STX2: variants seen among roughly 807,000 people sequenced by gnomAD.
The protein encoded by STX2 is syntaxin-2.
Under a neutral mutation model 40.6 loss-of-function variants are expected in STX2, and 27 were observed. That is an observed-to-expected ratio of 0.66 (90% confidence interval 0.49 to 0.92). The LOEUF is 0.92. Ranked by LOEUF, STX2 falls within the 40% of genes least tolerant of loss-of-function variation. STX2 has a pLI of 0.00. For missense variants in STX2, 328 were observed against 366.1 expected, an observed-to-expected ratio of 0.90 and a Z score of 0.85; for synonymous variants, 123 against 119.1, an observed-to-expected ratio of 1.03 and a Z score of -0.22.
chr12:130,838,976 T>G, intron 1 of STX2, 94 bp downstream of exon 1: 21 of 487,582 alleles, frequency 4.3e-5, no homozygotes, highest in Non-Finnish European at 4.7e-5. Flanking sequence ...CTGGGGACCC[T>G]CCCGGAGCCC....
intron 10 of STX2, among the ~76,000 whole-genome samples, chr12:130,793,397 C>T (rs1041918799): frequency 3.3e-5 from 5 of 152,200 alleles, no homozygotes; most frequent in African/African-American, 9.6e-5. Context: ...GGGAGGCGCG[C>T]GCCCTCCCGC....
chr12:130,821,538 C>T (rs1952113862), intron 3 of STX2, 151 bp downstream of exon 3: 1 of 632,010 alleles, frequency 1.6e-6, no homozygotes, highest in African/African-American at 1.9e-5. Flanking sequence ...CTGGCTCGCC[C>T]CAGGCCAAAC....
chr12:130,814,775 T>C (rs1951798426), intron 3 of STX2, among the ~76,000 whole-genome samples: 1 of 151,972 alleles, frequency 6.6e-6, no homozygotes, highest in South Asian at 2.1e-4. Flanking sequence ...TAGCTGGGAT[T>C]ACAGGCCTCC....
intron 3 of STX2, among the ~76,000 whole-genome samples, chr12:130,818,186 ATATAT>A (rs1231681296): frequency 0.023 from 1,428 of 62,202 alleles, 44 homozygotes; most frequent in African/African-American, 0.047. Context: ...AAAAAAAAAA[ATATAT>A]ATATATATAT....
At chr12:130,826,507 C>T (rs978581062) in intron 2 of STX2, among the ~76,000 whole-genome samples, 7 of 152,206 alleles carry the variant, frequency 4.6e-5, no homozygotes, top group Non-Finnish European at 1.0e-4. Context: ...GCGGAGGCCA[C>T]GTGCACAGCT....
chr12:130,806,532 G>A (rs76121402), intron 6 of STX2, among the ~76,000 whole-genome samples: 3,162 of 152,214 alleles, frequency 0.021, 106 homozygotes, highest in African/African-American at 0.072. Flanking sequence ...AAACAGACCC[G>A]TCTGTCCCCG....
chr12:130,795,335 T>C (rs1264575082), intron 10 of STX2, among the ~76,000 whole-genome samples: 1 of 152,212 alleles, frequency 6.6e-6, no homozygotes, highest in Non-Finnish European at 1.5e-5. Flanking sequence ...GCAATTACTC[T>C]AAAAGCTAAA....
chr12:130,812,214 T>C (rs984446980), intron 4 of STX2: 6 of 245,690 alleles, frequency 2.4e-5, no homozygotes, highest in African/African-American at 1.4e-4. Context: ...AAATTCTGCC[T>C]GGATATTCTG....
chr12:130,794,933 G>C (rs1950984075), intron 10 of STX2, among the ~76,000 whole-genome samples: 2 of 152,140 alleles, frequency 1.3e-5, no homozygotes, highest in South Asian at 4.1e-4. Flanking sequence ...AACATTTACA[G>C]AGAAATCACT....
intron 3 of STX2, among the ~76,000 whole-genome samples, chr12:130,816,935 T>G (rs1757705132): frequency 6.6e-6 from 1 of 152,194 alleles, no homozygotes; most frequent in Non-Finnish European, 1.5e-5. Flanking sequence ...TCAGTCTAAA[T>G]CATCTCAATC....
At chr12:130,802,670 T>A (rs1212952612) in intron 6 of STX2, among the ~76,000 whole-genome samples, 2 of 151,726 alleles carry the variant, frequency 1.3e-5, no homozygotes, top group Non-Finnish European at 2.9e-5. Context: ...TTATTTTTAT[T>A]TTTTTTTACA....
chr12:130,826,830 G>A (rs1952330424), intron 2 of STX2, among the ~76,000 whole-genome samples: 4 of 142,738 alleles, frequency 2.8e-5, no homozygotes, highest in African/African-American at 9.8e-5. Flanking sequence ...GTGAAACCCC[G>A]TCTCTACTAA....
chr12:130,815,573 G>A (rs1281305466), intron 3 of STX2, among the ~76,000 whole-genome samples: 1 of 152,200 alleles, frequency 6.6e-6, no homozygotes, highest in Admixed American at 6.5e-5. Context: ...TCAATATCCA[G>A]TGGATTTTCA....
intron 3 of STX2, among the ~76,000 whole-genome samples, chr12:130,820,394 C>T (rs1441384593): frequency 6.6e-6 from 1 of 152,102 alleles, no homozygotes; most frequent in African/African-American, 2.4e-5. Context: ...CGGCTGGGCA[C>T]GGTGGCTCAT....
chr12:130,830,835 A>G (rs1016465015), intron 1 of STX2, among the ~76,000 whole-genome samples: 1 of 152,228 alleles, frequency 6.6e-6, no homozygotes, highest in African/African-American at 2.4e-5. Context: ...GAGGGTATTT[A>G]TTGTAAATAA....
intron 6 of STX2, among the ~76,000 whole-genome samples, chr12:130,801,758 G>A (rs1029022401): frequency 1.3e-5 from 2 of 152,098 alleles, no homozygotes; most frequent in African/African-American, 2.4e-5. Flanking sequence ...AAAGGAAATC[G>A]GTAAACAATG....
intron 3 of STX2, among the ~76,000 whole-genome samples, chr12:130,818,485 T>TGATGC (rs1328806178): frequency 6.6e-6 from 1 of 151,856 alleles, no homozygotes; most frequent in Non-Finnish European, 1.5e-5. Flanking sequence ...AGAGGTTAAG[T>TGATGC]GATGCGTCCA....
At position 130,798,496 on chromosome 12, in the gene STX2, G is replaced by A. The variant is rs938303113; in HGVS notation, c.786+29C>T. 6 of 1,541,138 alleles carry A rather than the reference G, an allele frequency of 3.9e-6. No individual in the cohort carries two copies. The African/African-American group carries it at 4.2e-5, about 11-fold the overall frequency. On this transcript the variant is annotated intron_variant, in intron 9 of 10. Coordinates refer to ENST00000392373, the MANE Select transcript of STX2 (RefSeq NM_194356.4). ...CTTGAAACCAAATGAAGAGAAAAAC[G>A]CAGCTTAATTCTTCGAAGCCAAACT...
At chr12:130,831,987 C>G (rs1184320859) in intron 1 of STX2, among the ~76,000 whole-genome samples, 3 of 151,430 alleles carry the variant, frequency 2.0e-5, no homozygotes, top group African/African-American at 7.3e-5. Flanking sequence ...CCCTTTGCCT[C>G]AGCCTCCTGA....
Sources: gnomAD v4.1 joint callset for allele counts (sites outside exome capture counted in the v4.1 genomes callset) on GRCh38, gnomAD v4.1.1 for gene constraint, MANE v1.5 for transcripts, NCBI Gene and HGNC (gene_info 2026-07-23, HGNC 2026-07-21) for gene names.